Variants in AMOTL1 observed in about 807,000 individuals in gnomAD.
AMOTL1 encodes the protein angiomotin-like protein 1.
A neutral mutation model predicts 102.9 loss-of-function variants in AMOTL1; 45 were observed. That is an observed-to-expected ratio of 0.44 (90% CI 0.34 to 0.56). The LOEUF (loss-of-function observed/expected upper bound fraction) is 0.56. Among genes scored for constraint, AMOTL1 ranks in the 20% least tolerant of loss-of-function variants. The pLI is 0.01. For missense variants in AMOTL1, 1,114 were observed against 1,225.6 expected, an observed-to-expected ratio of 0.91 and a Z score of 1.36; for synonymous variants, 481 against 484.7, an observed-to-expected ratio of 0.99 and a Z score of 0.10.
At chr11:94,861,930 C>A (rs1046156846) in intron 9 of AMOTL1, among the ~76,000 whole-genome samples, 1 of 152,020 alleles carries the variant, frequency 6.6e-6, no homozygotes, top group African/African-American at 2.4e-5. Flanking sequence ...GAGAACCAGA[C>A]CCAGTCACAA....
intron 2 of AMOTL1, among the ~76,000 whole-genome samples, chr11:94,731,634 G>T (rs1299992122): frequency 6.6e-6 from 1 of 151,976 alleles, no homozygotes; most frequent in Non-Finnish European, 1.5e-5. Context: ...AGCCTTTTTT[G>T]TATAGATATA....
At chr11:94,761,745 C>G (rs1188041474) in intron 3 of AMOTL1, among the ~76,000 whole-genome samples, 1 of 152,168 alleles carries the variant, frequency 6.6e-6, no homozygotes, top group Non-Finnish European at 1.5e-5. Flanking sequence ...ATGGAACCAT[C>G]TAGAGTGTCT....
rs144043907 is a variant in AMOTL1 at position 94,723,732 on chromosome 11, C to A, written c.-50-5189C>A. Among the ~76,000 whole-genome samples the A allele has an allele frequency of 3.3e-5, 5 of 152,178 alleles. No homozygotes were observed. The East Asian group carries it at 9.7e-4, about 29-fold the overall frequency. The stretch of plus-strand genomic sequence containing the variant: ...ACAGAGGAGGAGTCTATCCCTCTAG[C>A]ATTTCATGTACTTTTATTCATGTAA... On this transcript the variant is annotated intron_variant, in intron 1 of 4. Transcript: ENST00000299004.
chr11:94,830,009 A>C, intron 4 of AMOTL1, 41 bp from the exon 5 acceptor site: 1 of 1,542,576 alleles, frequency 6.5e-7, no homozygotes, highest in South Asian at 1.3e-5. Context: ...CACCAGCATG[A>C]ATGTCAAAGG....
chr11:94,788,803 A>G (rs1951236106), intron 1 of AMOTL1, among the ~76,000 whole-genome samples: 1 of 152,224 alleles, frequency 6.6e-6, no homozygotes, highest in Admixed American at 6.5e-5. Context: ...TTATATTGAT[A>G]ATATCTCAAA....
chr11:94,865,873 T>C, intron 10 of AMOTL1, 69 bp from the exon 11 acceptor site: 1 of 1,347,778 alleles, frequency 7.4e-7, no homozygotes, highest in Non-Finnish European at 1.0e-6. Context: ...TGGGACAGCC[T>C]GAGATAAATG....
At chr11:94,858,139 T>C (rs539124117) in intron 8 of AMOTL1, among the ~76,000 whole-genome samples, 1 of 152,230 alleles carries the variant, frequency 6.6e-6, no homozygotes, top group African/African-American at 2.4e-5. Context: ...GCTTAGTGAA[T>C]ATGGGAGACT....
At chr11:94,782,184 A>G (rs1236675108) in intron 1 of AMOTL1, among the ~76,000 whole-genome samples, 1 of 152,232 alleles carries the variant, frequency 6.6e-6, no homozygotes, top group Non-Finnish European at 1.5e-5. Flanking sequence ...ACAACTGACA[A>G]ACTGTGGTTA....
intron 3 of AMOTL1, among the ~76,000 whole-genome samples, chr11:94,754,454 G>A (rs1289058810): frequency 1.3e-5 from 2 of 152,210 alleles, no homozygotes; most frequent in African/African-American, 2.4e-5. Context: ...GCTCCGAAGT[G>A]GGACTGTAAC....
chr11:94,761,271 C>T (rs1342401581), intron 3 of AMOTL1, among the ~76,000 whole-genome samples: 2 of 151,376 alleles, frequency 1.3e-5, no homozygotes, highest in African/African-American at 4.9e-5. Context: ...TCACTGCAAC[C>T]TCCGCCTCCC....
intron 3 of AMOTL1, among the ~76,000 whole-genome samples, chr11:94,820,025 T>G (rs1347490611): frequency 6.6e-6 from 1 of 152,182 alleles, no homozygotes; most frequent in East Asian, 1.9e-4. Flanking sequence ...GTGTTCTTTT[T>G]GACATGGCTA....
At chr11:94,744,934 T>C (rs1950572957) in intron 3 of AMOTL1, among the ~76,000 whole-genome samples, 1 of 152,222 alleles carries the variant, frequency 6.6e-6, no homozygotes, top group Non-Finnish European at 1.5e-5. Flanking sequence ...TGAAGAAATA[T>C]GGTTTTTTAA....
intron 2 of AMOTL1, among the ~76,000 whole-genome samples, chr11:94,733,985 C>G (rs1231179910): frequency 6.6e-6 from 1 of 152,146 alleles, no homozygotes; most frequent in African/African-American, 2.4e-5. Context: ...TACTTGGTAA[C>G]AGGAATCTGG....
At position 94,729,077 on chromosome 11, in the gene AMOTL1, C is replaced by G. The variant is rs1027500004; in HGVS notation, c.85+22C>G. On this transcript the variant is annotated intron_variant, in intron 2 of 4. Coordinates refer to the AMOTL1 transcript ENST00000299004. ...GCGGGTAAGGCCGTTTTTGATGTCC[C>G]TGATAGCATGGTACTCTTCAGCTTC... 16 of 1,283,216 alleles carry G rather than the reference C, an allele frequency of 1.2e-5. No homozygotes were observed. In the African/African-American group the frequency reaches 1.8e-4, roughly 15 times the overall value. The allele number at this position is 1,283,216 out of a possible 1,614,324, so 79.5% of individuals were successfully genotyped here. A position where few individuals can be genotyped will look rare whatever the true frequency, so the allele number is the denominator to read the frequency against.
At chr11:94,826,843 A>G (rs1951975406) in intron 4 of AMOTL1, among the ~76,000 whole-genome samples, 1 of 152,178 alleles carries the variant, frequency 6.6e-6, no homozygotes, top group South Asian at 2.1e-4. Context: ...TACAGCTATC[A>G]GTTCTCATAG....
At chr11:94,840,344 T>C (rs534564084) in intron 6 of AMOTL1, among the ~76,000 whole-genome samples, 5 of 152,270 alleles carry the variant, frequency 3.3e-5, no homozygotes, top group African/African-American at 1.2e-4. Flanking sequence ...AATTTGGTCG[T>C]AGACCATTAA....
At position 94,768,552 on chromosome 11, in the gene AMOTL1, C is replaced by A. The variant is rs868858615; in HGVS notation, c.41C>A (p.Ala14Glu). 16 of 1,597,412 alleles carry A rather than the reference C, an allele frequency of 1.0e-5. No individual in the cohort carries two copies. Among genetic ancestry groups the A allele is most frequent in the Non-Finnish European group, 1.4e-5 (16 of 1,172,438 alleles). ...TTGCGCCGGGGAACTTGTGAGCCTG[C>A]GGTGAAAGGTAACCAGCCCCCACTC... ...AKLRRGTCEP[A>E]VKGSPSACYS... The change falls in exon 1 of 13, where the codon GCG (alanine) becomes GAG (glutamate). Residue 14 changes from alanine to glutamate, a missense_variant. Transcript: ENST00000433060.
Position 94,871,461 on chromosome 11 carries a change from C to G in AMOTL1, c.*666C>G, listed in dbSNP as rs1952994927. 6.6e-6 allele frequency: 1 copy of G among 152,174 alleles called. No homozygotes were observed. The allele number at this position is 152,174 out of a possible 1,614,324, so 9.4% of individuals were successfully genotyped here. ...TCTCGGTCCCCATCCATCCTAACTT[C>G]TGAGTTCATCTCTGTCTCTGCTTTA... is the stretch of plus-strand genomic sequence containing the variant. On this transcript the variant is annotated 3_prime_UTR_variant, in exon 13 of 13. Transcript: ENST00000433060.
In AMOTL1 at chr11:94,799,849, T is replaced by G; in HGVS notation, c.659T>G (p.Met220Arg). Residue 220 changes from methionine to arginine, a missense_variant, in exon 3 of 13, where the codon ATG (methionine) becomes AGG (arginine). Transcript: ENST00000433060. The surrounding 1 kb of genome is among the most constrained non-coding windows in gnomAD (Gnocchi z 4.5). The stretch of plus-strand genomic sequence containing the variant: ...GGGGCGGTGGGCCATGGTTACTACA[T>G]GGCAGGGGGCACCAGTCAGAAGTCC... ...QQGAVGHGYY[M>R]AGGTSQKSRT... The G allele has an allele frequency of 6.3e-7, 1 of 1,591,588 alleles. No homozygotes were observed. The highest frequency in any genetic ancestry group is 8.6e-7 in the Non-Finnish European group (1 of 1,168,706).
Sources: allele counts gnomAD v4.1 joint callset (sites outside exome capture counted in the v4.1 genomes callset), GRCh38; gene constraint gnomAD v4.1.1; non-coding constraint Gnocchi (gnomAD v3.1); transcripts MANE v1.5; gene names NCBI Gene and HGNC (gene_info 2026-07-23, HGNC 2026-07-21).